POLRMT: variants seen among roughly 807,000 people sequenced by gnomAD.
The protein encoded by POLRMT is DNA-directed RNA polymerase, mitochondrial.
A neutral mutation model predicts 132.2 loss-of-function variants in POLRMT; 114 were observed. The ratio of observed to expected loss-of-function variants is 0.86; its 90% CI spans 0.74 to 1.01. The LOEUF (loss-of-function observed/expected upper bound fraction) is 1.01. Ranked by LOEUF, POLRMT falls within the 50% of genes least tolerant of loss-of-function variation. The pLI is 0.00. For missense variants in POLRMT, 2,003 were observed against 1,729.1 expected (o/e 1.16, Z -2.81); for synonymous variants, 1,020 against 773.4 (o/e 1.32, Z -5.29).
chr19:632,123 G>C (rs536699446), intron 2 of POLRMT, among the ~76,000 whole-genome samples: 19 of 148,910 alleles, frequency 1.3e-4, no homozygotes, highest in Middle Eastern at 3.4e-3. Flanking sequence ...AAAAGTGCTG[G>C]GAGTACAGGC....
Position 622,215 on chromosome 19 carries a change from C to A in POLRMT, c.1785G>T (p.Lys595Asn), listed in dbSNP as rs1209377825. ...GGACAAGCCGAGAGGAACGATGCGGCTTGTCCAGGCTGCATGGCATCTGCG... is the reference window on the plus strand; with the variant it reads ...GGACAAGCCGAGAGGAACGATGCGGATTGTCCAGGCTGCATGGCATCTGCG... ...QATQMPCSLD[K>N]PHRSSRLVPV... The change falls in exon 9 of 21, where the codon AAG (lysine) becomes AAT (asparagine). Residue 595 changes from lysine to asparagine, a missense_variant. Transcript: ENST00000588649. 3.8e-6 allele frequency: 6 copies of A among 1,568,598 alleles called. No individual in the cohort carries two copies. Among genetic ancestry groups the A allele is most frequent in the Non-Finnish European group, 5.2e-6 (6 of 1,159,648 alleles).
chr19:625,368 C>G, intron 3 of POLRMT, 114 bp from the exon 4 acceptor site: 1 of 1,442,494 alleles, frequency 6.9e-7, no homozygotes, highest in Non-Finnish European at 9.5e-7. Flanking sequence ...ACAGGGTCAC[C>G]AGGCAGGAGT....
At chr19:630,452 C>T (rs1985334538) in intron 2 of POLRMT, among the ~76,000 whole-genome samples, 1 of 152,140 alleles carries the variant, frequency 6.6e-6, no homozygotes, top group Non-Finnish European at 1.5e-5. Flanking sequence ...GGTCACTGGC[C>T]GCTCAGACCC....
intron 18 of POLRMT, 46 bp from the exon 19 acceptor site, chr19:617,701 G>A (rs942626606): frequency 3.7e-6 from 6 of 1,611,466 alleles, no homozygotes; most frequent in African/African-American, 1.3e-5. Context: ...GGCAGGCTCT[G>A]GGCACCACCC....
rs768896725 is a variant in POLRMT, at chr19:624,755, G to C, written c.1104C>G (p.Val368=). The change falls in exon 5 of 21, where the codon GTC becomes GTG. Residue 368 remains valine, a synonymous_variant. Transcript: ENST00000588649. The stretch of plus-strand genomic sequence containing the variant: ...CGTCCCTGAGCAGCTTGGAGGTGTT[G>C]ACCGGGGGCGGCAGCTGCGGCGGGA... ...FSLPPQLPPP[V]NTSKLLRDVY... The C allele has an allele frequency of 6.2e-7, 1 of 1,613,940 alleles. No homozygotes were observed. The highest frequency in any genetic ancestry group is 1.3e-5 in the African/African-American group (1 of 75,058).
intron 5 of POLRMT, among the ~76,000 whole-genome samples, chr19:624,006 A>G (rs936735624): frequency 6.6e-6 from 1 of 152,256 alleles, no homozygotes; most frequent in Non-Finnish European, 1.5e-5. Context: ...AGAATCAAAG[A>G]CGCACGTCCA....
At chr19:618,628 C>T (rs556962633) in intron 16 of POLRMT, 42 bp from the exon 17 acceptor site, 194 of 1,599,612 alleles carry the variant, frequency 1.2e-4, no homozygotes, top group Non-Finnish European at 1.6e-4. Context: ...CCCAGGGACA[C>T]CCCTAACTGG....
chr19:619,895 C>G, intron 12 of POLRMT, 63 bp downstream of exon 12: 1 of 1,592,744 alleles, frequency 6.3e-7, no homozygotes, highest in Non-Finnish European at 8.5e-7. Flanking sequence ...CACCTGGGGC[C>G]GAGACTCAGG....
chr19:625,016 C>T (rs1984921837), intron 4 of POLRMT, 108 bp downstream of exon 4: 1 of 1,517,092 alleles, frequency 6.6e-7, no homozygotes, highest in African/African-American at 1.4e-5. Flanking sequence ...CTCGGTGTGG[C>T]TGTCAGGCCC....
intron 10 of POLRMT, 90 bp from the exon 11 acceptor site, chr19:620,577 G>C (rs949689055): frequency 7.1e-7 from 1 of 1,413,152 alleles, no homozygotes; most frequent in Non-Finnish European, 9.4e-7. Context: ...GGGAAATGGG[G>C]AGGAGACGCA....
chr19:620,478 A>C lies in POLRMT; in HGVS notation c.2650T>G (p.Trp884Gly). Residue 884 changes from tryptophan to glycine, a missense_variant, in exon 11 of 21, where the codon TGG becomes GGG. Coordinates refer to ENST00000588649, the MANE Select transcript of POLRMT (RefSeq NM_005035.4). ...CAGGGTTCCTCCGCGCCCATCCACC[A>C]CTTTCGGCCCTGCGGGGACAGCGGA... is the stretch of plus-strand genomic sequence containing the variant. ...SADQPLTGRK[W>G]WMGAEEPWQT... The C allele has an allele frequency of 1.3e-6, 2 of 1,590,414 alleles. No homozygotes were observed. Among genetic ancestry groups the C allele is most frequent in the South Asian group, 1.1e-5 (1 of 88,194 alleles).
Position 622,731 on chromosome 19 carries a change from G to C in POLRMT, c.1477C>G (p.Gln493Glu), listed in dbSNP as rs1984717660. The C allele has an allele frequency of 6.3e-7, 1 of 1,596,258 alleles. No individual in the cohort carries two copies. The highest frequency in any genetic ancestry group is 1.3e-5 in the African/African-American group (1 of 74,464). Residue 493 changes from glutamine (Q) to glutamate (E), a missense_variant, in exon 8 of 21, where the codon CAA becomes GAA. Gln to Glu is a conservative substitution (Grantham distance 29). Transcript: ENST00000588649. ...LLQVLQALPAQGESFTTLARE... is the reference protein window; with the variant it reads ...LLQVLQALPAEGESFTTLARE... ...GCCAGGGTGGTGAAGGACTCACCTT[G>C]GGCGGGCAGCGCCTGCAGGACCTGC...
intron 3 of POLRMT, among the ~76,000 whole-genome samples, chr19:628,403 G>A (rs575374393): frequency 1.2e-3 from 178 of 152,332 alleles, no homozygotes; most frequent in African/African-American, 3.8e-3. Context: ...CAGGCAGCAC[G>A]CCGCCTCCAC....
intron 5 of POLRMT, among the ~76,000 whole-genome samples, chr19:624,174 A>G (rs1984848756): frequency 6.6e-6 from 1 of 152,214 alleles, no homozygotes; most frequent in Admixed American, 6.5e-5. Flanking sequence ...TCCCGGAGGC[A>G]CCATGAGGAC....
Position 620,055 on chromosome 19 carries a change from T to C in POLRMT, c.2789A>G (p.His930Arg), listed in dbSNP as rs1293870877. Residue 930 changes from histidine to arginine, a missense_variant, in exon 12 of 21, where the codon CAT (histidine) becomes CGT (arginine). By Grantham distance (29) the His-to-Arg change is conservative. Transcript: ENST00000588649. ...HQDGSCNGLQ[H>R]YAALGRDSVG... is the part of the protein sequence containing the mutation. ...GCTGTCGCGGCCCAGAGCAGCATAA[T>C]GCTGCAGGCCGTTGCAAGAGCCGTC... 9 of 1,549,156 alleles carry C rather than the reference T, an allele frequency of 5.8e-6. No individual in the cohort carries two copies. Among genetic ancestry groups the C allele is most frequent in the Non-Finnish European group, 7.8e-6 (9 of 1,152,070 alleles).
Position 620,071 on chromosome 19 carries a change from A to G in POLRMT, c.2773T>C (p.Cys925Arg). 1.3e-6 allele frequency: 2 copies of G among 1,542,742 alleles called. No individual in the cohort carries two copies. Among genetic ancestry groups the G allele is most frequent in the Non-Finnish European group, 1.7e-6 (2 of 1,148,942 alleles). ...SHLPVHQDGS[C>R]NGLQHYAALG... ...GCAGCATAATGCTGCAGGCCGTTGCAAGAGCCGTCCTGAGGAAGGGGCGGC... is the reference window on the plus strand; with the variant it reads ...GCAGCATAATGCTGCAGGCCGTTGCGAGAGCCGTCCTGAGGAAGGGGCGGC... Residue 925 changes from cysteine (C) to arginine (R), a missense_variant, in exon 12 of 21, where the codon TGC becomes CGC. By Grantham distance (180) the Cys-to-Arg change is radical. Transcript: ENST00000588649.
intron 10 of POLRMT, 141 bp from the exon 11 acceptor site, chr19:620,628 C>CG (rs1250218853): frequency 1.6e-5 from 18 of 1,116,324 alleles, no homozygotes; most frequent in Non-Finnish European, 2.1e-5. Context: ...GGGCGAGAGA[C>CG]GGGGCGGTGG....
At chr19:622,394 G>C (rs1463056499) in intron 8 of POLRMT, 21 bp from the exon 9 acceptor site, 29 of 1,528,522 alleles carry the variant, frequency 1.9e-5, no homozygotes, top group Non-Finnish European at 2.4e-5. Context: ...GGGCGGTCAG[G>C]GCGCTGGGCA....
intron 17 of POLRMT, chr19:618,206 T>G: frequency 3.6e-6 from 2 of 548,076 alleles, no homozygotes; most frequent in Non-Finnish European, 6.5e-6. Context: ...GACCTCCACG[T>G]GCTCCAGATC....
Sources: gnomAD v4.1 joint callset for allele counts (sites outside exome capture counted in the v4.1 genomes callset) on GRCh38, gnomAD v4.1.1 for gene constraint, MANE v1.5 for transcripts, NCBI Gene and HGNC (gene_info 2026-07-23, HGNC 2026-07-21) for gene names.